The following AGAP3 variants were observed in gnomAD, a reference collection of about 807,000 sequenced individuals.
AGAP3 encodes the protein ArfGAP with GTPase domain, ankyrin repeat and PH domain 3, also known as arf-GAP with GTPase, ANK repeat and PH domain-containing protein 3.
AGAP3 carries 24 observed loss-of-function variants against 96.9 expected under a neutral mutation model. That is an observed-to-expected ratio of 0.25 (90% CI 0.18 to 0.35). AGAP3 has a LOEUF of 0.35. Ranked by LOEUF, AGAP3 falls within the 10% of genes least tolerant of loss-of-function variation. The pLI is 1.00. For missense variants in AGAP3, 876 were observed against 1,254.2 expected, an observed-to-expected ratio of 0.70 and a Z score of 4.55; for synonymous variants, 563 against 536.1, an observed-to-expected ratio of 1.05 and a Z score of -0.69.
At chr7:151,135,870 C>T (rs1800571437) in intron 11 of AGAP3, among the ~76,000 whole-genome samples, 1 of 152,326 alleles carries the variant, frequency 6.6e-6, no homozygotes. Flanking sequence ...AGTGGGAGAC[C>T]TAGGGTTCAA....
At position 151,143,355 on chromosome 7, in the gene AGAP3, G is replaced by A. The variant is rs201874649; in HGVS notation, c.2288G>A (p.Arg763His). Residue 763 changes from arginine to histidine, a missense_variant, in exon 17 of 18, where the codon CGC (arginine) becomes CAC (histidine). This residue lies in a region of AGAP3 where 213 missense variants were observed against 253.8 expected (regional missense o/e 0.84). Transcript: ENST00000397238. The surrounding 1 kb of genome is among the most constrained non-coding windows in gnomAD (Gnocchi z 5.9). ...TGTGGTTGCAGAGAGGAGAAGGAACGCTGGATACGGGCCAAGTATGAACAG... is the reference window on the plus strand; with the variant it reads ...TGTGGTTGCAGAGAGGAGAAGGAACACTGGATACGGGCCAAGTATGAACAG... ...GPDACREEKE[R>H]WIRAKYEQKL... 2.9e-5 allele frequency: 46 copies of A among 1,612,004 alleles called. No individual in the cohort carries two copies. The highest frequency in any genetic ancestry group is 2.7e-4 in the African/African-American group (20 of 74,878).
upstream of AGAP3, chr7:151,086,059 C>A (rs889878130): frequency 6.6e-6 from 1 of 152,374 alleles, no homozygotes; most frequent in Admixed American, 6.5e-5. Context: ...CAATCAGCCT[C>A]GGTCAGCAGC....
intron 8 of AGAP3, 105 bp from the exon 9 acceptor site, chr7:151,123,689 G>C (rs1295029867): frequency 1.3e-6 from 2 of 1,579,472 alleles, no homozygotes; most frequent in Non-Finnish European, 1.7e-6. Flanking sequence ...CCCACTGCTA[G>C]GGCTGCCCAG....
intron 8 of AGAP3, chr7:151,120,627 C>A: frequency 7.7e-7 from 1 of 1,292,508 alleles, no homozygotes; most frequent in Non-Finnish European, 1.0e-6. Flanking sequence ...GGCTCTTTTT[C>A]CGTTACCCCA....
intron 1 of AGAP3, among the ~76,000 whole-genome samples, chr7:151,113,391 AG>A (rs1178722156): frequency 6.6e-6 from 1 of 152,190 alleles, no homozygotes; most frequent in Non-Finnish European, 1.5e-5. Flanking sequence ...TGGGAGATCC[AG>A]CCCAGGACTT....
intron 9 of AGAP3, among the ~76,000 whole-genome samples, chr7:151,126,640 C>T (rs1420633598): frequency 6.6e-6 from 1 of 152,172 alleles, no homozygotes; most frequent in Non-Finnish European, 1.5e-5. Context: ...ACGCTAGTCC[C>T]ATGGCTGGTC....
At chr7:151,120,673 C>T in intron 8 of AGAP3, 2 of 1,269,780 alleles carry the variant, frequency 1.6e-6, no homozygotes, top group Non-Finnish European at 1.0e-6. Flanking sequence ...CCACCCACCG[C>T]TGTGATTGGT....
At chr7:151,131,035 G>C (rs185865188) in intron 10 of AGAP3, 2 of 152,406 alleles carry the variant, frequency 1.3e-5, no homozygotes, top group Admixed American at 1.3e-4. Flanking sequence ...CAGAGGCTCC[G>C]ACAGAACTCT....
Position 151,143,994 on chromosome 7 carries a change from C to T in AGAP3, c.*51C>T. 1 of 1,551,208 alleles carries T rather than the reference C, an allele frequency of 6.4e-7. No individual in the cohort carries two copies. Among genetic ancestry groups the T allele is most frequent in the East Asian group, 2.3e-5 (1 of 44,324 alleles). ...AGAAGGACTCCATGGCCCAAAGACCCTCCTCCCTGCAGGCACTGTGGGAAC... is the reference window on the plus strand; with the variant it reads ...AGAAGGACTCCATGGCCCAAAGACCTTCCTCCCTGCAGGCACTGTGGGAAC... On this transcript the variant is annotated 3_prime_UTR_variant, in exon 18 of 18. Transcript: ENST00000397238. The surrounding 1 kb of genome is among the most constrained non-coding windows in gnomAD (Gnocchi z 5.9).
intron 1 of AGAP3, among the ~76,000 whole-genome samples, chr7:151,088,873 G>A (rs1798263406): frequency 6.6e-6 from 1 of 152,128 alleles, no homozygotes; most frequent in Non-Finnish European, 1.5e-5. Context: ...GCCCTCCCCT[G>A]ACCGACTTCT....
chr7:151,089,463 G>C (rs553520927), intron 1 of AGAP3, among the ~76,000 whole-genome samples: 2 of 151,858 alleles, frequency 1.3e-5, no homozygotes, highest in East Asian at 3.9e-4. Context: ...GTGGAAAGGG[G>C]CGGCAGTTCC....
At chr7:151,123,698 A>AGGAGGAGGGAG in intron 8 of AGAP3, 96 bp from the exon 9 acceptor site, 1 of 1,584,462 alleles carries the variant, frequency 6.3e-7, no homozygotes, top group Non-Finnish European at 8.6e-7. Flanking sequence ...AGGGCTGCCC[A>AGGAGGAGGGAG]GGAGGAGGGA....
At chr7:151,132,373 G>A (rs1800435398) in intron 10 of AGAP3, among the ~76,000 whole-genome samples, 1 of 152,250 alleles carries the variant, frequency 6.6e-6, no homozygotes. Context: ...GTGTGCTCAG[G>A]CCAGGCACTT....
rs976694688 is a variant in AGAP3 at position 151,114,804 on chromosome 7, C to T, written c.332-1989C>T. The T allele has an allele frequency of 7.6e-6, 8 of 1,055,568 alleles. 1 individual carries two copies. The South Asian group carries it at 2.1e-4, about 28-fold the overall frequency. The allele number at this position is 1,055,568 out of a possible 1,614,324, so 65.4% of individuals were successfully genotyped here. ...GGGCTGGCCGCAGGGGGACAGCTGT[C>T]CCGGGGAGCGGCCCGCCGCTTGCCG... On this transcript the variant is annotated intron_variant, in intron 1 of 17. Transcript: ENST00000397238. This position sits in a 1 kb window ranked among gnomAD's most constrained non-coding sequence, Gnocchi z 4.4.
intron 1 of AGAP3, among the ~76,000 whole-genome samples, chr7:151,087,431 G>A (rs1425205982): frequency 6.6e-6 from 1 of 152,170 alleles, no homozygotes; most frequent in East Asian, 1.9e-4. Flanking sequence ...CTTAGCCGCT[G>A]CCCGGGCCCT....
intron 1 of AGAP3, among the ~76,000 whole-genome samples, chr7:151,105,888 C>T (rs1799036790): frequency 7.5e-6 from 1 of 133,684 alleles, no homozygotes; most frequent in Non-Finnish European, 1.6e-5. Flanking sequence ...TTTTTTAAAC[C>T]AGCTCATGTT....
chr7:151,097,907 A>T (rs962996631), intron 1 of AGAP3, among the ~76,000 whole-genome samples: 1 of 152,174 alleles, frequency 6.6e-6, no homozygotes, highest in African/African-American at 2.4e-5. Context: ...TATTAATAAG[A>T]TATTTTTATG....
At chr7:151,138,593 C>G (rs538600750) in intron 12 of AGAP3, among the ~76,000 whole-genome samples, 1 of 152,180 alleles carries the variant, frequency 6.6e-6, no homozygotes, top group Non-Finnish European at 1.5e-5. Context: ...TGCCTGGGGC[C>G]GGCGCTAGAG....
chr7:151,116,174 C>CAG (rs996088016), intron 1 of AGAP3: 1 of 152,518 alleles, frequency 6.6e-6, no homozygotes, highest in African/African-American at 2.4e-5. Context: ...GTTCTGAGGA[C>CAG]AGACTGAAGG....
Sources: allele counts gnomAD v4.1 joint callset (sites outside exome capture counted in the v4.1 genomes callset), GRCh38; gene constraint gnomAD v4.1.1; regional missense constraint gnomAD v4.1.1; non-coding constraint Gnocchi (gnomAD v3.1); transcripts MANE v1.5; gene names NCBI Gene and HGNC (gene_info 2026-07-23, HGNC 2026-07-21).